The following DSG3 variants were observed in gnomAD, a reference collection of about 807,000 sequenced individuals.
DSG3 encodes desmoglein 3.
In DSG3, 63 loss-of-function variants were observed where a neutral mutation model predicts 85.9. The ratio of observed to expected loss-of-function variants is 0.73; its 90% CI spans 0.60 to 0.90. The LOEUF is 0.90. Ranked by LOEUF, DSG3 falls within the 40% of genes least tolerant of loss-of-function variation. The pLI is 0.00. For missense variants in DSG3, 1,220 were observed against 1,219.9 expected (o/e 1.00, Z 0.00); for synonymous variants, 447 against 441.9 (o/e 1.01, Z -0.14).
At chr18:31,474,456 C>A in intron 15 of DSG3, 52 bp downstream of exon 15, 1 of 1,531,908 alleles carries the variant, frequency 6.5e-7, no homozygotes, top group South Asian at 1.3e-5. Context: ...CATTAGAGAA[C>A]TTTTTATTTG....
chr18:31,475,904 G>C lies in DSG3; in HGVS notation c.2644G>C (p.Glu882Gln), dbSNP rs757558138. 1 of 1,614,202 alleles carries C rather than the reference G, an allele frequency of 6.2e-7. No individual in the cohort carries two copies. The highest frequency in any genetic ancestry group is 2.2e-5 in the East Asian group (1 of 44,874). The change falls in exon 16 of 16, where the codon GAA becomes CAA. Residue 882 changes from glutamate (E) to glutamine (Q), a missense_variant. By Grantham distance (29) the Glu-to-Gln change is conservative (BLOSUM62 2). Coordinates refer to ENST00000257189, the MANE Select transcript of DSG3 (RefSeq NM_001944.3). Reference sequence around the variant, plus strand: ...CTCTAAAGACAGCGGTTATGGGATTGAATCCTGTGGCCATCCCATAGAAGT... The same window carrying C: ...CTCTAAAGACAGCGGTTATGGGATTCAATCCTGTGGCCATCCCATAGAAGT... ...PPSKDSGYGI[E>Q]SCGHPIEVQQ...
rs1247333509 is a variant in DSG3, at chr18:31,466,720, G to T, written c.1602G>T (p.Lys534Asn). Residue 534 changes from lysine (K) to asparagine (N), a missense_variant, in exon 11 of 16, where the codon AAG becomes AAT. Transcript: ENST00000257189. ...YTFALEDQPV[K>N]LPAVWSITTL... is the part of the protein sequence containing the mutation. Reference sequence around the variant, plus strand: ...TTGCACTGGAAGATCAACCTGTAAAGTTGCCTGCCGTATGGAGTATCACAA... The same window carrying T: ...TTGCACTGGAAGATCAACCTGTAAATTTGCCTGCCGTATGGAGTATCACAA... The T allele has an allele frequency of 1.2e-6, 2 of 1,614,072 alleles. No homozygotes were observed. Among genetic ancestry groups the T allele is most frequent in the African/African-American group, 2.7e-5 (2 of 74,938 alleles).
chr18:31,451,579 C>A (rs1382295443), intron 1 of DSG3, among the ~76,000 whole-genome samples: 1 of 152,162 alleles, frequency 6.6e-6, no homozygotes, highest in Non-Finnish European at 1.5e-5. Context: ...AATGAAAAAT[C>A]TCTAAGATAT....
intron 11 of DSG3, among the ~76,000 whole-genome samples, chr18:31,467,289 C>T (rs923015794): frequency 2.6e-5 from 4 of 152,068 alleles, no homozygotes; most frequent in African/African-American, 9.7e-5. Flanking sequence ...TGCAGTGAGC[C>T]AAGATCCTGC....
chr18:31,461,995 G>T (rs1167172567), intron 8 of DSG3, among the ~76,000 whole-genome samples: 1 of 152,108 alleles, frequency 6.6e-6, no homozygotes, highest in Non-Finnish European at 1.5e-5. Flanking sequence ...CCCTTCCTTG[G>T]TACAGCACTT....
In DSG3 at chr18:31,476,953, G is replaced by T. The variant is rs1208675227; in HGVS notation, c.*693G>T. The T allele has an allele frequency of 7.2e-6, 1 of 138,188 alleles. No homozygotes were observed. The highest frequency in any genetic ancestry group is 1.5e-5 in the Non-Finnish European group (1 of 65,122). 8.6% of individuals were successfully genotyped at this position (138,188 alleles called of 1,614,324 possible). ...CGCAGTCCGGCCTGGGCGACAGAGC[G>T]AGACTCCGTCTCAAAAAAAAAAAAA... On this transcript the variant is annotated 3_prime_UTR_variant, in exon 16 of 16. Coordinates refer to ENST00000257189, the MANE Select transcript of DSG3 (RefSeq NM_001944.3).
At chr18:31,451,236 G>C (rs2144259204) in intron 1 of DSG3, among the ~76,000 whole-genome samples, 2 of 152,164 alleles carry the variant, frequency 1.3e-5, no homozygotes, top group South Asian at 4.1e-4. Flanking sequence ...ATTGTGTTTT[G>C]TAGTCCACCA....
chr18:31,453,753 G>T (rs2072725084), intron 1 of DSG3, among the ~76,000 whole-genome samples: 1 of 151,930 alleles, frequency 6.6e-6, no homozygotes, highest in African/African-American at 2.4e-5. Context: ...GATAAGGGAG[G>T]TTTTCTCCAT....
intron 1 of DSG3, among the ~76,000 whole-genome samples, chr18:31,450,114 T>A (rs77399099): frequency 0.011 from 1,740 of 152,348 alleles, 11 homozygotes; most frequent in Middle Eastern, 0.065. Flanking sequence ...TTTGTGGTTT[T>A]TAGCTTTCTA....
chr18:31,463,193 T>C (rs1385635520), intron 8 of DSG3, among the ~76,000 whole-genome samples: 1 of 152,228 alleles, frequency 6.6e-6, no homozygotes, highest in Non-Finnish European at 1.5e-5. Context: ...AAACCCTTCA[T>C]AGCTCTCCTA....
chr18:31,468,925 G>A (rs1037882167), intron 11 of DSG3, among the ~76,000 whole-genome samples, 164 bp from the exon 12 acceptor site: 1 of 152,158 alleles, frequency 6.6e-6, no homozygotes, highest in African/African-American at 2.4e-5. Context: ...GCCTTTGTCA[G>A]ATTCTGACAC....
chr18:31,466,123 T>C (rs1254138158), intron 10 of DSG3, among the ~76,000 whole-genome samples: 1 of 152,110 alleles, frequency 6.6e-6, no homozygotes, highest in Non-Finnish European at 1.5e-5. Flanking sequence ...ACATTTTGAG[T>C]AATAAAAATA....
chr18:31,451,782 T>G (rs2072713043), intron 1 of DSG3, among the ~76,000 whole-genome samples: 1 of 152,212 alleles, frequency 6.6e-6, no homozygotes, highest in East Asian at 1.9e-4. Flanking sequence ...CCCTCTTGCT[T>G]CATACCTGAA....
chr18:31,459,100 T>G lies in DSG3; in HGVS notation c.440T>G (p.Ile147Ser). 1 of 1,613,626 alleles carries G rather than the reference T, an allele frequency of 6.2e-7. No individual in the cohort carries two copies. The highest frequency in any genetic ancestry group is 8.5e-7 in the Non-Finnish European group (1 of 1,179,912). Residue 147 changes from isoleucine (I) to serine (S), a missense_variant, in exon 5 of 16, where the codon ATT (isoleucine) becomes AGT (serine). Ile to Ser is a moderately radical substitution (Grantham distance 142). Transcript: ENST00000257189. ...VEKPLILTVKILDINDNPPVF... is the reference protein window; with the variant it reads ...VEKPLILTVKSLDINDNPPVF... ...AAACCACTTATACTAACGGTTAAAA[T>G]TTTGGATATTAATGATAATCCTCCA...
chr18:31,457,595 T>G (rs1357932975), intron 3 of DSG3, among the ~76,000 whole-genome samples: 1 of 74,726 alleles, frequency 1.3e-5, no homozygotes, highest in Non-Finnish European at 2.6e-5. Flanking sequence ...CTTCTTTCTT[T>G]CTTTCTTTCT....
At chr18:31,475,580 C>T in intron 15 of DSG3, 66 bp from the exon 16 acceptor site, 1 of 1,534,596 alleles carries the variant, frequency 6.5e-7, no homozygotes, top group East Asian at 2.3e-5. Flanking sequence ...GTTCTACAAA[C>T]AGTATTATAT....
intron 12 of DSG3, among the ~76,000 whole-genome samples, chr18:31,470,392 T>C (rs1437160060): frequency 6.6e-6 from 1 of 151,500 alleles, no homozygotes; most frequent in Non-Finnish European, 1.5e-5. Flanking sequence ...TTGCTATAGA[T>C]ACAGCTAATT....
Position 31,469,194 on chromosome 18 carries a change from G to C in DSG3, c.1742G>C (p.Ser581Thr). ...SQNNRCEMPR[S>T]LTLEVCQCDN... Reference sequence around the variant, plus strand: ...AACAATCGGTGTGAGATGCCACGCAGCTTGACACTGGAAGTCTGTCAGTGT... The same window carrying C: ...AACAATCGGTGTGAGATGCCACGCACCTTGACACTGGAAGTCTGTCAGTGT... The change falls in exon 12 of 16, where the codon AGC (serine) becomes ACC (threonine). Residue 581 changes from serine (S) to threonine (T), a missense_variant. Coordinates refer to ENST00000257189, the MANE Select transcript of DSG3 (RefSeq NM_001944.3). The C allele has an allele frequency of 1.9e-6, 3 of 1,614,198 alleles. No individual in the cohort carries two copies. Among genetic ancestry groups the C allele is most frequent in the Non-Finnish European group, 2.5e-6 (3 of 1,180,036 alleles).
rs1433786815 is a variant in DSG3, at chr18:31,477,439, T to A, written c.*1179T>A. 1 of 152,222 alleles carries A rather than the reference T, an allele frequency of 6.6e-6. No homozygotes were observed. Among genetic ancestry groups the A allele is most frequent in the African/African-American group, 2.4e-5 (1 of 41,454 alleles). The allele number at this position is 152,222 out of a possible 1,614,324, so 9.4% of individuals were successfully genotyped here. On this transcript the variant is annotated 3_prime_UTR_variant, in exon 16 of 16. Transcript: ENST00000257189. ...TTGTAGGAATACAAAACATGGCCTT[T>A]TTTATAAGCAAAACGGGCCAATGAC...
Sources: allele counts gnomAD v4.1 joint callset (sites outside exome capture counted in the v4.1 genomes callset), GRCh38; gene constraint gnomAD v4.1.1; transcripts MANE v1.5; gene names NCBI Gene and HGNC (gene_info 2026-07-23, HGNC 2026-07-21).